Variants in PCBP3 observed in about 807,000 individuals in gnomAD.
PCBP3 encodes poly(rC) binding protein 3.
In PCBP3, 25 loss-of-function variants were observed where a neutral mutation model predicts 52.7. The ratio of observed to expected loss-of-function variants is 0.47; its 90% CI spans 0.35 to 0.66. The LOEUF is 0.66. Ranked by LOEUF, PCBP3 falls within the 30% of genes least tolerant of loss-of-function variation. The probability of loss-of-function intolerance (pLI) is 0.01; values close to 1 mark genes in which losing one functional copy is unlikely to be tolerated. For synonymous variants in PCBP3, 162 were observed against 183.0 expected (o/e 0.89, Z 0.93); for missense variants, 391 against 490.3 (o/e 0.80, Z 1.91).
chr21:45,803,101 A>G (rs980177571), intron 4 of PCBP3, among the ~76,000 whole-genome samples: 4 of 152,214 alleles, frequency 2.6e-5, no homozygotes, highest in Non-Finnish European at 5.9e-5. Flanking sequence ...CAACTTGAGA[A>G]AACAGCCTGT....
At chr21:45,826,748 C>T (rs973232176) in intron 4 of PCBP3, among the ~76,000 whole-genome samples, 20 of 152,262 alleles carry the variant, frequency 1.3e-4, no homozygotes, top group Non-Finnish European at 2.2e-4. Context: ...AAACTGGAAA[C>T]GCCAGTGGGT....
At chr21:45,647,931 C>T (rs1397378257) in intron 1 of PCBP3, among the ~76,000 whole-genome samples, 1 of 152,068 alleles carries the variant, frequency 6.6e-6, no homozygotes, top group Non-Finnish European at 1.5e-5. Flanking sequence ...TCTGAGTAAT[C>T]ACAAGGGTTC....
chr21:45,744,893 G>T (rs962064802), intron 3 of PCBP3, among the ~76,000 whole-genome samples: 1 of 152,142 alleles, frequency 6.6e-6, no homozygotes, highest in Non-Finnish European at 1.5e-5. Context: ...TTCTTTTGTT[G>T]TTAAGTTTCT....
intron 2 of PCBP3, among the ~76,000 whole-genome samples, chr21:45,703,574 T>A (rs1295781648): frequency 1.3e-5 from 2 of 152,034 alleles, no homozygotes; most frequent in African/African-American, 4.8e-5. Context: ...ATAGGAGAAT[T>A]AGACTTTTAC....
At chr21:45,697,338 A>T (rs2082843688) in intron 2 of PCBP3, among the ~76,000 whole-genome samples, 1 of 152,218 alleles carries the variant, frequency 6.6e-6, no homozygotes, top group Admixed American at 6.5e-5. Context: ...TACTCTAAAT[A>T]CTCTAAATAT....
chr21:45,831,717 G>T (rs904333967), intron 4 of PCBP3, among the ~76,000 whole-genome samples: 1 of 152,044 alleles, frequency 6.6e-6, no homozygotes, highest in African/African-American at 2.4e-5. Context: ...TAGTTAGTTA[G>T]TTTGTTTATT....
intron 4 of PCBP3, among the ~76,000 whole-genome samples, chr21:45,832,417 G>A (rs557028325): frequency 6.6e-6 from 1 of 152,236 alleles, no homozygotes; most frequent in South Asian, 2.1e-4. Context: ...AACCATCTGG[G>A]AATGCAGCCC....
At chr21:45,826,275 T>C (rs2093306336) in intron 4 of PCBP3, among the ~76,000 whole-genome samples, 1 of 151,204 alleles carries the variant, frequency 6.6e-6, no homozygotes, top group South Asian at 2.1e-4. Context: ...AAAAAAAAAT[T>C]AAATTAAATA....
chr21:45,713,254 C>A (rs181499329), intron 2 of PCBP3, among the ~76,000 whole-genome samples: 29 of 152,316 alleles, frequency 1.9e-4, no homozygotes, highest in African/African-American at 6.3e-4. Context: ...CCAGCAAGCC[C>A]CTTCCTTGGC....
At chr21:45,936,668 G>C (rs1272599644) in intron 16 of PCBP3, among the ~76,000 whole-genome samples, 1 of 152,220 alleles carries the variant, frequency 6.6e-6, no homozygotes, top group Non-Finnish European at 1.5e-5. Context: ...AAGCCACCAG[G>C]CTTTTCCTGT....
At chr21:45,708,905 C>T (rs1024948393) in intron 2 of PCBP3, among the ~76,000 whole-genome samples, 10 of 152,264 alleles carry the variant, frequency 6.6e-5, no homozygotes, top group Admixed American at 6.5e-4. Flanking sequence ...GAGGCCCCCA[C>T]TGGCAGGCCC....
intron 1 of PCBP3, among the ~76,000 whole-genome samples, chr21:45,666,204 G>T (rs916298964): frequency 6.6e-6 from 1 of 152,124 alleles, no homozygotes; most frequent in Admixed American, 6.5e-5. Flanking sequence ...CTAAGAATTG[G>T]AACAAAACAA....
chr21:45,749,348 C>T (rs1229619049), intron 3 of PCBP3: 1 of 152,092 alleles, frequency 6.6e-6, no homozygotes, highest in African/African-American at 2.4e-5. Context: ...TGTGAGCGCC[C>T]TTCAGTCACA....
At chr21:45,739,104 G>A (rs1278402724) in intron 3 of PCBP3, among the ~76,000 whole-genome samples, 74 of 31,248 alleles carry the variant, frequency 2.4e-3, no homozygotes, top group South Asian at 6.2e-3. Context: ...CTTCCTGTCC[G>A]CGGTCCTCTG....
At chr21:45,803,248 G>A (rs2092375801) in intron 4 of PCBP3, among the ~76,000 whole-genome samples, 1 of 152,228 alleles carries the variant, frequency 6.6e-6, no homozygotes, top group African/African-American at 2.4e-5. Context: ...GGGTATTGGT[G>A]TGTTTTTTGC....
intron 5 of PCBP3, among the ~76,000 whole-genome samples, chr21:45,860,412 T>C (rs1235759078): frequency 6.6e-6 from 1 of 152,258 alleles, no homozygotes; most frequent in East Asian, 1.9e-4. Context: ...ACTGTGCAGC[T>C]GACTTGGTTG....
chr21:45,645,057 T>C (rs1008227035), intron 1 of PCBP3, among the ~76,000 whole-genome samples: 1 of 152,226 alleles, frequency 6.6e-6, no homozygotes, highest in African/African-American at 2.4e-5. Flanking sequence ...AAGGAGTGTT[T>C]GTAGAACAGT....
chr21:45,862,718 G>A (rs557079214), intron 5 of PCBP3, among the ~76,000 whole-genome samples: 2 of 152,184 alleles, frequency 1.3e-5, no homozygotes, highest in Non-Finnish European at 1.5e-5. Flanking sequence ...AGCACATTGT[G>A]TGGGCCCCAG....
chr21:45,934,240 G>T (rs1032527445), intron 15 of PCBP3, among the ~76,000 whole-genome samples: 1 of 152,180 alleles, frequency 6.6e-6, no homozygotes, highest in South Asian at 2.1e-4. Context: ...CAAGAACCAC[G>T]TGGGGCCTGC....
Sources: allele counts gnomAD v4.1 joint callset (sites outside exome capture counted in the v4.1 genomes callset), GRCh38; gene constraint gnomAD v4.1.1; transcripts MANE v1.5; gene names NCBI Gene and HGNC (gene_info 2026-07-23, HGNC 2026-07-21).